Variants in PRKCQ observed in about 807,000 individuals in gnomAD.
PRKCQ encodes the protein protein kinase C theta, also known as protein kinase C theta type.
In PRKCQ, 41 loss-of-function variants were observed where a neutral mutation model predicts 91.2. The ratio of observed to expected loss-of-function variants is 0.45; its 90% confidence interval spans 0.35 to 0.58. PRKCQ has a LOEUF of 0.58. PRKCQ is among the 20% of genes least tolerant of loss of function. The probability of loss-of-function intolerance (pLI) is 0.00; values close to 1 mark genes in which losing one functional copy is unlikely to be tolerated. For missense variants in PRKCQ, 673 were observed against 896.5 expected, an observed-to-expected ratio of 0.75 and a Z score of 3.18; for synonymous variants, 307 against 316.9, an observed-to-expected ratio of 0.97 and a Z score of 0.33.
At chr10:6,516,221 A>G (rs570395127) in intron 1 of PRKCQ, among the ~76,000 whole-genome samples, 1 of 152,322 alleles carries the variant, frequency 6.6e-6, no homozygotes, top group African/African-American at 2.4e-5. Flanking sequence ...GTAATACCTC[A>G]TCTAGCTAAG....
At chr10:6,503,556 TGGTGAGGTAGAGGA>T (rs1838031904) in intron 4 of PRKCQ, among the ~76,000 whole-genome samples, 1 of 152,162 alleles carries the variant, frequency 6.6e-6, no homozygotes, top group Admixed American at 6.5e-5. Context: ...ATTTACTTCC[TGGTGAGGTAGAGGA>T]GGTGAGGCTT....
intron 11 of PRKCQ, among the ~76,000 whole-genome samples, chr10:6,480,023 T>G (rs1242859316): frequency 6.6e-6 from 1 of 152,162 alleles, no homozygotes; most frequent in East Asian, 1.9e-4. Flanking sequence ...CATAGCAGAA[T>G]GTATGGCATG....
At chr10:6,483,817 T>C (rs1038557548) in intron 10 of PRKCQ, among the ~76,000 whole-genome samples, 2 of 152,224 alleles carry the variant, frequency 1.3e-5, no homozygotes, top group African/African-American at 4.8e-5. Flanking sequence ...ATTTGGATTT[T>C]GGAGTGTGGA....
In PRKCQ at chr10:6,507,364, T is replaced by C. The variant is rs1838252055; in HGVS notation, c.379+72A>G. On this transcript the variant is annotated intron_variant, in intron 4 of 17. Coordinates refer to ENST00000263125, the MANE Select transcript of PRKCQ (RefSeq NM_006257.5). ...TTCTCTTCTACAATAATTGCAAAGGTAAAATAAGCTGCATTTGAGGAGAAG... is the reference window on the plus strand; with the variant it reads ...TTCTCTTCTACAATAATTGCAAAGGCAAAATAAGCTGCATTTGAGGAGAAG... The C allele has an allele frequency of 2.9e-6, 4 of 1,395,740 alleles. No homozygotes were observed. In the South Asian group the frequency reaches 3.5e-5, roughly 12 times the overall value. The allele number at this position is 1,395,740 out of a possible 1,614,324, so 86.5% of individuals were successfully genotyped here.
chr10:6,488,844 A>C (rs1837091629), intron 8 of PRKCQ, among the ~76,000 whole-genome samples: 1 of 151,990 alleles, frequency 6.6e-6, no homozygotes, highest in Non-Finnish European at 1.5e-5. Flanking sequence ...CAGTGGTGCA[A>C]TCATAGCTCA....
intron 15 of PRKCQ, among the ~76,000 whole-genome samples, chr10:6,446,196 G>T (rs907779020): frequency 3.9e-5 from 6 of 152,034 alleles, no homozygotes; most frequent in African/African-American, 1.5e-4. Context: ...TGATGATTGG[G>T]CTTAGAAAGG....
chr10:6,489,899 C>T lies in PRKCQ; in HGVS notation c.790+1784G>A, dbSNP rs78321944. ...TGGGAAGTTCTAAGCTGTGCCGCGG[C>T]GCTGCTGGGACCAGCTCTTCTTGCA... is the stretch of plus-strand genomic sequence containing the variant. On this transcript the variant is annotated intron_variant, in intron 8 of 17. Transcript: ENST00000263125. 6.5e-3 allele frequency among the ~76,000 whole-genome samples: 991 copies of T among 152,044 alleles called. 10 individuals are homozygous for T. The highest frequency in any genetic ancestry group is 0.023 in the African/African-American group (942 of 41,472).
chr10:6,563,364 C>T (rs1343964955), intron 1 of PRKCQ, among the ~76,000 whole-genome samples: 1 of 151,976 alleles, frequency 6.6e-6, no homozygotes, highest in Non-Finnish European at 1.5e-5. Context: ...GGGTGCCCTG[C>T]CTTCTGAGTC....
the PRKCQ span, among the ~76,000 whole-genome samples, chr10:6,408,046 GTTTTTTTTTT>G: frequency 2.4e-5 from 2 of 84,228 alleles, no homozygotes; most frequent in African/African-American, 5.6e-5. Context: ...TCTTGTGTCA[GTTTTTTTTTT>G]TTTTTTTTTT....
the PRKCQ span, among the ~76,000 whole-genome samples, chr10:6,412,041 A>G: frequency 6.6e-6 from 1 of 152,204 alleles, no homozygotes; most frequent in Non-Finnish European, 1.5e-5. Context: ...AACCCAGACA[A>G]TAGCTGGAAG....
chr10:6,498,531 G>T lies in PRKCQ; in HGVS notation c.407C>A (p.Thr136Lys). The T allele has an allele frequency of 6.2e-7, 1 of 1,614,122 alleles. No homozygotes were observed. Among genetic ancestry groups the T allele is most frequent in the Non-Finnish European group, 8.5e-7 (1 of 1,180,002 alleles). ...CTGATGCAAAGCAAAGAAGCCTTCC[G>T]TCTCAAATTCATTCATGTCCTTTGT... ...SDTKDMNEFE[T>K]EGFFALHQRR... The change falls in exon 5 of 18, where the codon ACG (threonine) becomes AAG (lysine). Residue 136 changes from threonine to lysine, a missense_variant. Transcript: ENST00000263125.
chr10:6,424,345 T>A (rs555287025), downstream of PRKCQ, among the ~76,000 whole-genome samples: 1 of 152,284 alleles, frequency 6.6e-6, no homozygotes, highest in East Asian at 1.9e-4. Context: ...TGTCCTCTCA[T>A]CTAGCTCGAG....
At chr10:6,574,967 C>CACTT (rs3086768) in intron 1 of PRKCQ, among the ~76,000 whole-genome samples, 70,152 of 152,018 alleles carry the variant, frequency 0.46, 19,741 homozygotes, top group Non-Finnish European at 0.6. Flanking sequence ...CCTACTGAAA[C>CACTT]ACACAATCAT....
chr10:6,421,950 CT>C, the PRKCQ span, among the ~76,000 whole-genome samples: 1 of 152,196 alleles, frequency 6.6e-6, no homozygotes, highest in African/African-American at 2.4e-5. This position sits in a 1 kb window ranked among gnomAD's most constrained non-coding sequence, Gnocchi z 4.1. Context: ...TAAAATCAGT[CT>C]TGTTCTGTCA....
intron 1 of PRKCQ, among the ~76,000 whole-genome samples, chr10:6,536,902 C>T (rs1248166156): frequency 6.6e-6 from 1 of 152,202 alleles, no homozygotes; most frequent in African/African-American, 2.4e-5. Flanking sequence ...GCTGGAGGCA[C>T]CACCTTCCCT....
the PRKCQ span, among the ~76,000 whole-genome samples, chr10:6,405,300 G>A: frequency 6.6e-6 from 1 of 152,154 alleles, no homozygotes. Flanking sequence ...GTTTTTCATA[G>A]TGAGAGCTTC....
intron 17 of PRKCQ, among the ~76,000 whole-genome samples, chr10:6,429,807 C>A (rs1271626656): frequency 7.1e-6 from 1 of 140,816 alleles, no homozygotes; most frequent in Non-Finnish European, 1.6e-5. Context: ...GTGAACCCAG[C>A]TCACTGCATC....
intron 1 of PRKCQ, among the ~76,000 whole-genome samples, chr10:6,563,278 G>A (rs1399243616): frequency 6.6e-6 from 1 of 152,004 alleles, no homozygotes; most frequent in African/African-American, 2.4e-5. Context: ...TCCTCTTCTC[G>A]GTGACAGGGA....
chr10:6,486,175 A>G, intron 8 of PRKCQ, 31 bp from the exon 9 acceptor site: 1 of 1,572,180 alleles, frequency 6.4e-7, no homozygotes. Flanking sequence ...AGTGAGCAAG[A>G]GTGGAAGAAC....
Sources: gnomAD v4.1 joint callset for allele counts (sites outside exome capture counted in the v4.1 genomes callset) on GRCh38, gnomAD v4.1.1 for gene constraint, Gnocchi (gnomAD v3.1) non-coding constraint, MANE v1.5 for transcripts, NCBI Gene and HGNC (gene_info 2026-07-23, HGNC 2026-07-21) for gene names.